NDC1: variants seen among roughly 807,000 people sequenced by gnomAD.
The protein encoded by NDC1 is nucleoporin NDC1.
In NDC1, 24 loss-of-function variants were observed where a neutral mutation model predicts 89.8. That is an observed-to-expected ratio of 0.27 (90% CI 0.19 to 0.38). The LOEUF (loss-of-function observed/expected upper bound fraction) is 0.38, where lower values mean the gene tolerates loss of function less well. NDC1 is among the 10% of genes least tolerant of loss of function. The pLI is 1.00. For synonymous variants in NDC1, 296 were observed against 284.8 expected (o/e 1.04, Z -0.39); for missense variants, 728 against 797.6 (o/e 0.91, Z 1.05).
rs1167119911 is a variant in NDC1 at position 53,797,086 on chromosome 1, T to C, written c.1281A>G (p.Pro427=). The part of the protein sequence containing the change: ...SSQMPRPSVP[P]LVKTSLFSSK... ...AAGAAAACAGTGATGTTTTAACTAA[T>C]GGTGGCACTGAAGGCCGAGGCATCT... Residue 427 remains proline, a synonymous_variant, in exon 12 of 18, where the codon CCA becomes CCG. Transcript: ENST00000371429. 1 of 1,614,146 alleles carries C rather than the reference T, an allele frequency of 6.2e-7. No individual in the cohort carries two copies. Among genetic ancestry groups the C allele is most frequent in the Non-Finnish European group, 8.5e-7 (1 of 1,179,990 alleles).
At chr1:53,801,674 C>T (rs1325626221) in intron 10 of NDC1, among the ~76,000 whole-genome samples, 1 of 152,198 alleles carries the variant, frequency 6.6e-6, no homozygotes, top group African/African-American at 2.4e-5. Context: ...CAAACACACA[C>T]ACACAATACT....
chr1:53,787,745 A>G (rs1007068838), intron 15 of NDC1, among the ~76,000 whole-genome samples: 1 of 151,462 alleles, frequency 6.6e-6, no homozygotes, highest in African/African-American at 2.4e-5. Context: ...TGGAATAGGC[A>G]CTGAAAAAAG....
intron 4 of NDC1, 55 bp from the exon 5 acceptor site, chr1:53,825,991 T>C: frequency 6.4e-7 from 1 of 1,556,972 alleles, no homozygotes; most frequent in Non-Finnish European, 8.7e-7. Context: ...GTATCACTGT[T>C]TTAGGCTCAA....
chr1:53,820,478 T>A (rs1241725234), intron 5 of NDC1, among the ~76,000 whole-genome samples: 2 of 151,938 alleles, frequency 1.3e-5, no homozygotes, highest in African/African-American at 2.4e-5. Context: ...ATGGCACATG[T>A]ATACATACGT....
rs182822625 is a variant in NDC1 at position 53,834,029 on chromosome 1, C to T, written c.179-1438G>A. Among the ~76,000 whole-genome samples, 172 of 152,112 alleles carry T rather than the reference C, an allele frequency of 1.1e-3. 1 individual carries two copies. The East Asian group carries it at 0.03, about 26-fold the overall frequency. ...AACTCCTGAGCTCAGGCAATCCGCC[C>T]GCCTCAGCCTCCCAAAGTGCTGGGA... On this transcript the variant is annotated intron_variant, in intron 2 of 17. Coordinates refer to ENST00000371429, the MANE Select transcript of NDC1 (RefSeq NM_018087.5).
chr1:53,822,893 G>A (rs1429048152), intron 5 of NDC1, among the ~76,000 whole-genome samples: 1 of 152,122 alleles, frequency 6.6e-6, no homozygotes, highest in African/African-American at 2.4e-5. Context: ...TCTATAGAGG[G>A]TCAGAATGGG....
intron 5 of NDC1, among the ~76,000 whole-genome samples, chr1:53,822,201 G>C (rs1441506999): frequency 1.3e-5 from 2 of 152,152 alleles, no homozygotes; most frequent in East Asian, 3.9e-4. Flanking sequence ...GGGCGTGGTA[G>C]CGCACGCCTA....
chr1:53,805,370 C>T (rs1284284129), intron 9 of NDC1, among the ~76,000 whole-genome samples: 1 of 152,112 alleles, frequency 6.6e-6, no homozygotes, highest in Non-Finnish European at 1.5e-5. Flanking sequence ...TGCCATTCAA[C>T]TAATTTTTAA....
At chr1:53,830,985 G>T (rs1649046219) in intron 3 of NDC1, among the ~76,000 whole-genome samples, 1 of 152,130 alleles carries the variant, frequency 6.6e-6, no homozygotes, top group African/African-American at 2.4e-5. Context: ...ACTTTGGAAG[G>T]CCAAGGCAGG....
At position 53,825,748 on chromosome 1, in the gene NDC1, A is replaced by G. The variant is rs111555002; in HGVS notation, c.594+50T>C. 3.0e-4 allele frequency: 460 copies of G among 1,529,222 alleles called. 1 individual carries two copies. In the African/African-American group the frequency reaches 5.0e-3, roughly 17 times the overall value. The allele number at this position is 1,529,222 out of a possible 1,614,324, so 94.7% of individuals were successfully genotyped here. The stretch of plus-strand genomic sequence containing the variant: ...AGTTATATACATATGCACCAAGGCA[A>G]TTTTACCTCAGCCAAATTTTGACAT... On this transcript the variant is annotated intron_variant, in intron 5 of 17. Transcript: ENST00000371429.
Position 53,789,119 on chromosome 1 carries a change from C to T in NDC1, c.1699+14G>A, listed in dbSNP as rs370200244. On this transcript the variant is annotated intron_variant, in intron 15 of 17. Transcript: ENST00000371429. ...CAATTAAAATCATAGTTACAGTTCACAGTCATTGCTTACCTTCTAATGCCC... is the reference window on the plus strand; with the variant it reads ...CAATTAAAATCATAGTTACAGTTCATAGTCATTGCTTACCTTCTAATGCCC... 2.6e-6 allele frequency: 4 copies of T among 1,541,576 alleles called. No homozygotes were observed. The African/African-American group carries it at 5.5e-5, about 21-fold the overall frequency.
chr1:53,815,685 TCGTTTA>T (rs1648453264), intron 6 of NDC1, among the ~76,000 whole-genome samples: 1 of 152,192 alleles, frequency 6.6e-6, no homozygotes, highest in Admixed American at 6.5e-5. Flanking sequence ...GATGATATGA[TCGTTTA>T]CCTTAAAAAC....
At chr1:53,796,629 A>T in intron 13 of NDC1, 60 bp downstream of exon 13, 1 of 1,022,888 alleles carries the variant, frequency 9.8e-7, no homozygotes, top group Non-Finnish European at 1.4e-6. Flanking sequence ...TACTCATGTG[A>T]GATCCTTAAT....
Position 53,838,287 on chromosome 1 carries a change from CGTACAGGA to C in NDC1, c.-34_-27del. On this transcript the variant is annotated 5_prime_UTR_variant, in exon 1 of 18. Coordinates refer to ENST00000371429, the MANE Select transcript of NDC1 (RefSeq NM_018087.5). ...GGAGATGGCGGCCCCTAGTCTAGGG[CGTACAGGA>C]GACCGTGCGCCCGCCCGCCACCGCA... is the stretch of plus-strand genomic sequence containing the variant. 6.6e-7 allele frequency: 1 copy of C among 1,521,082 alleles called. No individual in the cohort carries two copies. Among genetic ancestry groups the C allele is most frequent in the South Asian group, 1.2e-5 (1 of 82,910 alleles). The allele number at this position is 1,521,082 out of a possible 1,614,324, so 94.2% of individuals were successfully genotyped here.
At chr1:53,775,602 G>T (rs1366178950) in intron 16 of NDC1, among the ~76,000 whole-genome samples, 1 of 152,074 alleles carries the variant, frequency 6.6e-6, no homozygotes, top group African/African-American at 2.4e-5. Context: ...AAATTCAAAT[G>T]ATCAATTCCA....
At chr1:53,825,738 C>A in intron 5 of NDC1, 60 bp downstream of exon 5, 1 of 1,430,448 alleles carries the variant, frequency 7.0e-7, no homozygotes. Flanking sequence ...TATACATATG[C>A]ACCAAGGCAA....
At chr1:53,785,626 G>A (rs1056326232) in intron 16 of NDC1, among the ~76,000 whole-genome samples, 1 of 152,074 alleles carries the variant, frequency 6.6e-6, no homozygotes, top group African/African-American at 2.4e-5. Flanking sequence ...AGGCTGGAGT[G>A]CAATGGCATA....
chr1:53,800,332 C>CTTTTTTTTT (rs1158363485), intron 11 of NDC1, among the ~76,000 whole-genome samples: 4 of 80,646 alleles, frequency 5.0e-5, no homozygotes, highest in Non-Finnish European at 8.9e-5. Context: ...CTACAGTCAT[C>CTTTTTTTTT]TTTTTTTTTT....
At chr1:53,828,579 T>TTTTA (rs975790296) in intron 3 of NDC1, among the ~76,000 whole-genome samples, 256 of 151,782 alleles carry the variant, frequency 1.7e-3, no homozygotes, top group Admixed American at 5.5e-3. Flanking sequence ...AATACTGACT[T>TTTTA]TTTATTTATT....
Sources: allele counts gnomAD v4.1 joint callset (sites outside exome capture counted in the v4.1 genomes callset), GRCh38; gene constraint gnomAD v4.1.1; transcripts MANE v1.5; gene names NCBI Gene and HGNC (gene_info 2026-07-23, HGNC 2026-07-21).